CNTNAP4: variants seen among roughly 807,000 people sequenced by gnomAD.
CNTNAP4 encodes the protein contactin associated protein family member 4.
CNTNAP4 carries 98 observed loss-of-function variants against 148.4 expected under a neutral mutation model. The ratio of observed to expected loss-of-function variants is 0.66; its 90% CI spans 0.56 to 0.78. The LOEUF is 0.78. CNTNAP4 is among the 30% of genes least tolerant of loss of function. The pLI, the probability that CNTNAP4 is intolerant of heterozygous loss-of-function variation, is 0.00. For missense variants in CNTNAP4, 1,935 were observed against 1,565.6 expected (o/e 1.24, Z -3.98); for synonymous variants, 730 against 565.1 (o/e 1.29, Z -4.14).
intron 1 of CNTNAP4, among the ~76,000 whole-genome samples, chr16:76,278,398 A>G (rs1958563191): frequency 6.6e-6 from 1 of 152,208 alleles, no homozygotes; most frequent in South Asian, 2.1e-4. Flanking sequence ...GTCTTTCAAA[A>G]GTAGGATTCC....
At chr16:76,504,652 A>T (rs1481133132) in intron 15 of CNTNAP4, among the ~76,000 whole-genome samples, 2 of 152,144 alleles carry the variant, frequency 1.3e-5, no homozygotes, top group Non-Finnish European at 2.9e-5. Flanking sequence ...CTTTAAAATG[A>T]CACTGTCGAG....
intron 3 of CNTNAP4, among the ~76,000 whole-genome samples, chr16:76,365,095 C>T (rs199518001): frequency 6.6e-6 from 1 of 152,166 alleles, no homozygotes; most frequent in South Asian, 2.1e-4. Flanking sequence ...CTGCATACGG[C>T]TAGCCAGTTT....
intron 2 of CNTNAP4, among the ~76,000 whole-genome samples, chr16:76,341,366 C>T (rs1056271622): frequency 1.3e-5 from 2 of 152,016 alleles, no homozygotes; most frequent in African/African-American, 4.8e-5. Flanking sequence ...AGCTGATAAA[C>T]AGTGAAATTA....
intron 4 of CNTNAP4, among the ~76,000 whole-genome samples, chr16:76,436,961 A>ATATC (rs780750972): frequency 0.019 from 2,728 of 140,270 alleles, 52 homozygotes; most frequent in African/African-American, 0.051. Flanking sequence ...CTAATACAGA[A>ATATC]TATCTATCTA....
chr16:76,420,515 C>T (rs78239700), intron 3 of CNTNAP4, among the ~76,000 whole-genome samples: 3,047 of 151,946 alleles, frequency 0.02, 97 homozygotes, highest in African/African-American at 0.069. Flanking sequence ...AATCTCCGTG[C>T]GGGGCTGTCC....
chr16:76,346,986 G>A (rs1361678710), intron 2 of CNTNAP4, among the ~76,000 whole-genome samples: 1 of 152,170 alleles, frequency 6.6e-6, no homozygotes, highest in Non-Finnish European at 1.5e-5. Context: ...AGACAATTTA[G>A]TGAGGTATTA....
At chr16:76,494,764 C>T (rs2082341490) in intron 13 of CNTNAP4, 146 bp from the exon 14 acceptor site, 7 of 787,080 alleles carry the variant, frequency 8.9e-6, no homozygotes, top group African/African-American at 1.7e-5. Context: ...AGCAATCATA[C>T]TGTTTTGCAT....
At chr16:76,348,254 A>T (rs1965077445) in intron 2 of CNTNAP4, among the ~76,000 whole-genome samples, 1 of 151,264 alleles carries the variant, frequency 6.6e-6, no homozygotes. Context: ...CTGGGAAAGG[A>T]TGTGAATAGA....
chr16:76,345,292 C>G (rs553924078), intron 2 of CNTNAP4, among the ~76,000 whole-genome samples: 1 of 152,296 alleles, frequency 6.6e-6, no homozygotes, highest in African/African-American at 2.4e-5. Context: ...TCAGCTTCTT[C>G]TCTTAGGCTC....
intron 3 of CNTNAP4, among the ~76,000 whole-genome samples, chr16:76,365,424 A>AAACTAAGAT (rs1172119915): frequency 6.6e-6 from 1 of 151,940 alleles, no homozygotes; most frequent in African/African-American, 2.4e-5. Flanking sequence ...GTCAATGGAG[A>AAACTAAGAT]AACTAAGATT....
At chr16:76,428,290 G>A (rs560322579) in intron 4 of CNTNAP4, among the ~76,000 whole-genome samples, 3 of 152,112 alleles carry the variant, frequency 2.0e-5, no homozygotes, top group African/African-American at 7.2e-5. Context: ...ATAGAACAGT[G>A]GGTTAGTTAA....
chr16:76,488,992 A>G (rs2082119300), intron 12 of CNTNAP4, among the ~76,000 whole-genome samples: 1 of 152,202 alleles, frequency 6.6e-6, no homozygotes, highest in African/African-American at 2.4e-5. Flanking sequence ...TCAATTCAAA[A>G]GAGTAACTTC....
In CNTNAP4 at chr16:76,318,658, A is replaced by G. The variant is rs1962066089; in HGVS notation, c.196+2135A>G. On this transcript the variant is annotated intron_variant, in intron 2 of 23. Transcript: ENST00000611870. Reference sequence around the variant, plus strand: ...TTATTAAAGGCTATATTTTATTTCTAGTATTGAAATACTAGAAATTTCTCA... The same window carrying G: ...TTATTAAAGGCTATATTTTATTTCTGGTATTGAAATACTAGAAATTTCTCA... 2.0e-5 allele frequency among the ~76,000 whole-genome samples: 3 copies of G among 151,048 alleles called. No homozygotes were observed. In the South Asian group the frequency reaches 6.3e-4, roughly 32 times the overall value.
chr16:76,402,252 G>C (rs1400678573), intron 3 of CNTNAP4, among the ~76,000 whole-genome samples: 1 of 151,938 alleles, frequency 6.6e-6, no homozygotes, highest in Non-Finnish European at 1.5e-5. Flanking sequence ...ATTTCTTCCG[G>C]GTTTAGTCTT....
intron 21 of CNTNAP4, among the ~76,000 whole-genome samples, chr16:76,552,148 A>AAC (rs10674079): frequency 6.6e-6 from 1 of 152,160 alleles, no homozygotes; most frequent in African/African-American, 2.4e-5. Flanking sequence ...AGGAGAGAGA[A>AAC]GAAGGATGAA....
chr16:76,560,016 A>G lies in CNTNAP4; in HGVS notation c.*1333A>G, dbSNP rs2085354942. Among the ~76,000 whole-genome samples the G allele has an allele frequency of 6.6e-6, 1 of 152,310 alleles. No individual in the cohort carries two copies. The highest frequency in any genetic ancestry group is 1.9e-4 in the East Asian group (1 of 5,176). ...CCAACTTGCTGAATGGTACATTCTG[A>G]TTAGGGTGTATTATACACTAGGAGA... On this transcript the variant is annotated 3_prime_UTR_variant, in exon 24 of 24. Transcript: ENST00000611870.
At chr16:76,357,613 A>G (rs2012856305) in intron 3 of CNTNAP4, among the ~76,000 whole-genome samples, 1 of 152,058 alleles carries the variant, frequency 6.6e-6, no homozygotes, top group African/African-American at 2.4e-5. Context: ...GTACCTTGCG[A>G]TCTTTTATCT....
chr16:76,521,391 G>T (rs748127201), intron 16 of CNTNAP4, 81 bp downstream of exon 16: 303 of 1,131,868 alleles, frequency 2.7e-4, no homozygotes, highest in Middle Eastern at 6.2e-4. Context: ...AACTACTCAT[G>T]TGTCTACTTT....
Position 76,489,829 on chromosome 16 carries a change from T to A in CNTNAP4, c.2026T>A (p.Cys676Ser). 3.1e-6 allele frequency: 5 copies of A among 1,603,088 alleles called. No individual in the cohort carries two copies. Among genetic ancestry groups the A allele is most frequent in the Non-Finnish European group, 4.3e-6 (5 of 1,173,722 alleles). ...GGCCACTATTAACCGTGCAGAGCAC[T>A]GTGAACAGGAGTTTACTTATTACTG... ...LQATINRAEH[C>S]EQEFTYYCKK... Residue 676 changes from cysteine (C) to serine (S), a missense_variant, in exon 13 of 24, where the codon TGT becomes AGT. Cys to Ser is a moderately radical substitution (Grantham distance 112). Transcript: ENST00000611870.
Sources: gnomAD v4.1 joint callset for allele counts (sites outside exome capture counted in the v4.1 genomes callset) on GRCh38, gnomAD v4.1.1 for gene constraint, MANE v1.5 for transcripts, NCBI Gene and HGNC (gene_info 2026-07-23, HGNC 2026-07-21) for gene names.